METTL13: variants seen among roughly 807,000 people sequenced by gnomAD.
METTL13 encodes the protein eEF1A lysine and N-terminal methyltransferase.
Under a neutral mutation model 67.4 loss-of-function variants are expected in METTL13, and 52 were observed. That is an observed-to-expected ratio of 0.77 (90% CI 0.62 to 0.97). METTL13 has a LOEUF of 0.97. Among genes scored for constraint, METTL13 ranks in the 50% least tolerant of loss-of-function variants. The pLI, the probability that METTL13 is intolerant of heterozygous loss-of-function variation, is 0.00. For missense variants in METTL13, 825 were observed against 889.6 expected (o/e 0.93, Z 0.92); for synonymous variants, 354 against 353.6 (o/e 1.00, Z -0.01).
Position 171,784,416 on chromosome 1 carries a change from C to A in METTL13, c.830C>A (p.Thr277Lys), listed in dbSNP as rs754351572. The A allele has an allele frequency of 9.1e-6, 14 of 1,542,264 alleles. No individual in the cohort carries two copies. The highest frequency in any genetic ancestry group is 1.2e-5 in the Non-Finnish European group (14 of 1,146,288). Residue 277 changes from threonine (T) to lysine (K), a missense_variant, in exon 2 of 8, where the codon ACG (threonine) becomes AAG (lysine). Transcript: ENST00000361735. The stretch of plus-strand genomic sequence containing the variant: ...TCTCTGGACTTGTGCGATGGGGACA[C>A]GGGGGAGCCACGCTACACCCTCCAC... ...SVSLDLCDGD[T>K]GEPRYTLHVV... is the part of the protein sequence containing the mutation.
In METTL13 at chr1:171,797,158, CAAGT is replaced by C. The variant is rs2029864273; in HGVS notation, c.*403_*406del. 2 of 174,476 alleles carry C rather than the reference CAAGT, an allele frequency of 1.1e-5. No individual in the cohort carries two copies. Among genetic ancestry groups the C allele is most frequent in the Non-Finnish European group, 2.5e-5 (2 of 81,332 alleles). The allele number at this position is 174,476 out of a possible 1,614,324, so 10.8% of individuals were successfully genotyped here. ...TCTATTAGTTCTATAGGAGTGATCTCAAGTGAGATAGCAGAGCAAGATGCCAAAA... is the reference window on the plus strand; with the variant it reads ...TCTATTAGTTCTATAGGAGTGATCTCGAGATAGCAGAGCAAGATGCCAAAA... On this transcript the variant is annotated 3_prime_UTR_variant, in exon 8 of 8. Transcript: ENST00000361735.
At chr1:171,795,893 G>A (rs1203588691) in intron 7 of METTL13, among the ~76,000 whole-genome samples, 6 of 152,204 alleles carry the variant, frequency 3.9e-5, no homozygotes, top group East Asian at 3.9e-4. Flanking sequence ...GTCTCATTCC[G>A]TCACCCAGGC....
chr1:171,785,397 A>G (rs1036601699), intron 2 of METTL13, among the ~76,000 whole-genome samples: 1 of 152,176 alleles, frequency 6.6e-6, no homozygotes, highest in African/African-American at 2.4e-5. Context: ...AAGCGTGGGT[A>G]GAGTCTGGGG....
At chr1:171,794,722 C>G (rs1657310734) in intron 7 of METTL13, among the ~76,000 whole-genome samples, 195 bp downstream of exon 7, 1 of 152,224 alleles carries the variant, frequency 6.6e-6, no homozygotes, top group African/African-American at 2.4e-5. Context: ...AGTAACTTGT[C>G]CTCGCAAGAG....
chr1:171,781,725 G>C lies in METTL13; in HGVS notation c.-243G>C. ...AAGTGTGAGGGGCTCTTCACGTGGGGAAGGAACAGCAGGCGCGGAGGAGGG... is the reference window on the plus strand; with the variant it reads ...AAGTGTGAGGGGCTCTTCACGTGGGCAAGGAACAGCAGGCGCGGAGGAGGG... On this transcript the variant is annotated 5_prime_UTR_variant, in exon 1 of 8. Coordinates refer to ENST00000361735, the MANE Select transcript of METTL13 (RefSeq NM_015935.5). The C allele has an allele frequency of 7.8e-7, 1 of 1,288,636 alleles. No individual in the cohort carries two copies. The highest frequency in any genetic ancestry group is 1.0e-6 in the Non-Finnish European group (1 of 1,001,450). 79.8% of individuals were successfully genotyped at this position (1,288,636 alleles called of 1,614,324 possible).
intron 2 of METTL13, among the ~76,000 whole-genome samples, chr1:171,785,137 C>T (rs1189996210): frequency 1.3e-5 from 2 of 152,104 alleles, no homozygotes; most frequent in African/African-American, 4.8e-5. Flanking sequence ...AGAAATGGTA[C>T]CTGGCCTTGG....
rs1657061368 is a variant in METTL13 at position 171,787,625 on chromosome 1, G to C, written c.1114-110G>C. ...ATGGCAAATCTGTGGAGTAGTTGTT[G>C]TCTAGAACCGTGGTATGGGGATATA... On this transcript the variant is annotated intron_variant, in intron 3 of 7. Transcript: ENST00000361735. The C allele has an allele frequency of 3.1e-6, 3 of 979,838 alleles. No homozygotes were observed. In the South Asian group the frequency reaches 5.1e-5, roughly 17 times the overall value. 60.7% of individuals were successfully genotyped at this position (979,838 alleles called of 1,614,324 possible).
At chr1:171,786,946 C>T (rs1210119076) in intron 3 of METTL13, among the ~76,000 whole-genome samples, 1 of 151,426 alleles carries the variant, frequency 6.6e-6, no homozygotes, top group Non-Finnish European at 1.5e-5. Flanking sequence ...CAAATAGTAA[C>T]AGATCTGAAA....
chr1:171,796,809 G>T lies in METTL13; in HGVS notation c.*53G>T. Reference sequence around the variant, plus strand: ...TAGACTGACCTTGGACTCCCAGCCTGCCAGAGAATGAAGAAATACAACGCA... The same window carrying T: ...TAGACTGACCTTGGACTCCCAGCCTTCCAGAGAATGAAGAAATACAACGCA... On this transcript the variant is annotated 3_prime_UTR_variant, in exon 8 of 8. Transcript: ENST00000361735. 6.3e-7 allele frequency: 1 copy of T among 1,581,392 alleles called. No individual in the cohort carries two copies. The highest frequency in any genetic ancestry group is 8.6e-7 in the Non-Finnish European group (1 of 1,163,350).
chr1:171,790,330 T>C lies in METTL13; in HGVS notation c.1310-122T>C, dbSNP rs1177594465. The C allele has an allele frequency of 1.5e-5, 16 of 1,086,962 alleles. No individual in the cohort carries two copies. In the East Asian group the frequency reaches 4.4e-4, roughly 30 times the overall value. 67.3% of individuals were successfully genotyped at this position (1,086,962 alleles called of 1,614,324 possible). Reference sequence around the variant, plus strand: ...AGCTATCAACATGATGTCAACCAGTTTGCAAAATTTTAACGATTGGGTCTT... The same window carrying C: ...AGCTATCAACATGATGTCAACCAGTCTGCAAAATTTTAACGATTGGGTCTT... On this transcript the variant is annotated intron_variant, in intron 4 of 7. Transcript: ENST00000361735.
chr1:171,786,059 G>C lies in METTL13; in HGVS notation c.1094G>C (p.Gly365Ala), dbSNP rs149501332. 42 of 1,613,220 alleles carry C rather than the reference G, an allele frequency of 2.6e-5. No individual in the cohort carries two copies. In the African/African-American group the frequency reaches 4.8e-4, roughly 18 times the overall value. ...AGAGTCATGGAGCTGGCCCCAGCTG[G>C]GATGCCCACCCAGCAGCAGGTAACA... is the stretch of plus-strand genomic sequence containing the variant. The part of the protein sequence containing the change: ...SARVMELAPA[G>A]MPTQQQVPFL... Residue 365 changes from glycine to alanine, a missense_variant, in exon 3 of 8, where the codon GGG becomes GCG. By Grantham distance (60) the Gly-to-Ala change is moderately conservative. Transcript: ENST00000361735.
intron 4 of METTL13, 123 bp downstream of exon 4, chr1:171,788,053 T>C: frequency 1.1e-6 from 1 of 892,790 alleles, no homozygotes; most frequent in Non-Finnish European, 1.8e-6. Context: ...ATCTGGACTC[T>C]TAGGGTGTGA....
Position 171,787,836 on chromosome 1 carries a change from G to T in METTL13, c.1215G>T (p.Gly405=). Residue 405 remains glycine, a synonymous_variant, in exon 4 of 8, where the codon GGG becomes GGT. Transcript: ENST00000361735. The part of the protein sequence containing the change: ...SGDYVIEDVQ[G]DDKRYFRRLI... The stretch of plus-strand genomic sequence containing the variant: ...ACTATGTCATTGAGGATGTGCAAGG[G>T]GATGACAAGCGATACTTCCGTCGAC... The T allele has an allele frequency of 6.2e-7, 1 of 1,614,180 alleles. No homozygotes were observed. The highest frequency in any genetic ancestry group is 8.5e-7 in the Non-Finnish European group (1 of 1,180,034).
chr1:171,790,628 G>T lies in METTL13; in HGVS notation c.1474+12G>T. On this transcript the variant is annotated intron_variant, in intron 5 of 7. Transcript: ENST00000361735. Reference sequence around the variant, plus strand: ...AGAGCTACTCCTAGGTGAGAGAGATGCCACTGCCTTCCACAGAAGGGAGCA... The same window carrying T: ...AGAGCTACTCCTAGGTGAGAGAGATTCCACTGCCTTCCACAGAAGGGAGCA... 1.3e-6 allele frequency: 2 copies of T among 1,514,896 alleles called. No homozygotes were observed. Among genetic ancestry groups the T allele is most frequent in the Admixed American group, 2.3e-5 (1 of 43,842 alleles). 93.8% of individuals were successfully genotyped at this position (1,514,896 alleles called of 1,614,324 possible).
At chr1:171,796,375 C>A in intron 7 of METTL13, 107 bp from the exon 8 acceptor site, 3 of 1,360,196 alleles carry the variant, frequency 2.2e-6, no homozygotes, top group Non-Finnish European at 2.0e-6. Flanking sequence ...GTGTTTTAGT[C>A]CACCAGTCTC....
At chr1:171,790,343 A>G (rs1657162227) in intron 4 of METTL13, 109 bp from the exon 5 acceptor site, 1 of 1,251,978 alleles carries the variant, frequency 8.0e-7, no homozygotes, top group African/African-American at 1.5e-5. Flanking sequence ...CAAAATTTTA[A>G]CGATTGGGTC....
Position 171,785,955 on chromosome 1 carries a change from C to T in METTL13, c.990C>T (p.Phe330=), listed in dbSNP as rs748070644. 8 of 1,613,858 alleles carry T rather than the reference C, an allele frequency of 5.0e-6. No homozygotes were observed. Among genetic ancestry groups the T allele is most frequent in the Non-Finnish European group, 6.8e-6 (8 of 1,179,972 alleles). Residue 330 remains phenylalanine (F), a synonymous_variant, in exon 3 of 8, where the codon TTC becomes TTT. Coordinates refer to ENST00000361735, the MANE Select transcript of METTL13 (RefSeq NM_015935.5). ...GRKQLAASAG[F]RRLITVALHR... The stretch of plus-strand genomic sequence containing the variant: ...AACAGCTGGCGGCCAGTGCTGGCTT[C>T]AGGAGGTTGATTACAGTGGCCCTTC...
chr1:171,793,256 T>G (rs1420606650), intron 6 of METTL13, among the ~76,000 whole-genome samples: 2 of 152,258 alleles, frequency 1.3e-5, no homozygotes, highest in Non-Finnish European at 2.9e-5. Flanking sequence ...TGTAACAGTT[T>G]CGTAGGTTCC....
rs549768704 is a variant in METTL13, at chr1:171,787,085, G to A, written c.1114-650G>A. On this transcript the variant is annotated intron_variant, in intron 3 of 7. Transcript: ENST00000361735. ...GGTTGATGACCCCTATTTCAAGGAAGCCCAGATCCTCTGAGGAGCTTCATT... is the reference window on the plus strand; with the variant it reads ...GGTTGATGACCCCTATTTCAAGGAAACCCAGATCCTCTGAGGAGCTTCATT... Among the ~76,000 whole-genome samples the A allele has an allele frequency of 4.6e-5, 7 of 152,184 alleles. No homozygotes were observed. In the South Asian group the frequency reaches 1.5e-3, roughly 32 times the overall value.
Sources: gnomAD v4.1 joint callset for allele counts (sites outside exome capture counted in the v4.1 genomes callset) on GRCh38, gnomAD v4.1.1 for gene constraint, MANE v1.5 for transcripts, NCBI Gene and HGNC (gene_info 2026-07-23, HGNC 2026-07-21) for gene names.